Variants in SPECC1L observed in about 807,000 individuals in gnomAD.
The protein encoded by SPECC1L is cytospin-A.
SPECC1L carries 40 observed loss-of-function variants against 116.8 expected under a neutral mutation model. The ratio of observed to expected loss-of-function variants is 0.34; its 90% CI spans 0.27 to 0.45. The LOEUF is 0.45. Ranked by LOEUF, SPECC1L falls within the 20% of genes least tolerant of loss-of-function variation. SPECC1L has a pLI of 1.00. For synonymous variants in SPECC1L, 504 were observed against 500.6 expected, an observed-to-expected ratio of 1.01 and a Z score of -0.09; for missense variants, 1,110 against 1,373.6, an observed-to-expected ratio of 0.81 and a Z score of 3.03.
chr22:24,393,527 T>C (rs1303252840), intron 14 of SPECC1L, among the ~76,000 whole-genome samples: 1 of 152,212 alleles, frequency 6.6e-6, no homozygotes, highest in African/African-American at 2.4e-5. Flanking sequence ...CCAGGGTCCC[T>C]TGGACTGTGC....
chr22:24,357,062 G>A (rs1569433373), intron 11 of SPECC1L, among the ~76,000 whole-genome samples: 1 of 151,858 alleles, frequency 6.6e-6, no homozygotes, highest in Non-Finnish European at 1.5e-5. Flanking sequence ...CCCCTGGGGG[G>A]GCAAATTTGC....
chr22:24,404,298 G>A (rs1443605780), intron 14 of SPECC1L, among the ~76,000 whole-genome samples: 1 of 152,200 alleles, frequency 6.6e-6, no homozygotes, highest in Non-Finnish European at 1.5e-5. Context: ...GGACTCCGAT[G>A]ATGCCGCACT....
At position 24,335,177 on chromosome 22, in the gene SPECC1L, C is replaced by G. The variant is rs150347629; in HGVS notation, c.2560+604C>G. The stretch of plus-strand genomic sequence containing the variant: ...TGGATATCTTTGCTTTGTCTTCTCT[C>G]CATCTCTAGCGGCACAAGCTTTAGT... On this transcript the variant is annotated intron_variant, in intron 9 of 16. Transcript: ENST00000314328. Among the ~76,000 whole-genome samples, 564 of 152,338 alleles carry G rather than the reference C, an allele frequency of 3.7e-3. 3 individuals are homozygous for G. The highest frequency in any genetic ancestry group is 0.02 in the Middle Eastern group (6 of 294).
At chr22:24,373,894 T>C (rs947559534) in intron 14 of SPECC1L, among the ~76,000 whole-genome samples, 2 of 151,602 alleles carry the variant, frequency 1.3e-5, no homozygotes, top group East Asian at 1.9e-4. Flanking sequence ...AGGGCTAATA[T>C]CCAGAATCTA....
At chr22:24,317,274 ACCTC>A (rs2040601160) in intron 4 of SPECC1L, among the ~76,000 whole-genome samples, 1 of 35,118 alleles carries the variant, frequency 2.8e-5, no homozygotes, top group Non-Finnish European at 5.8e-5. Context: ...GACCCCCCCC[ACCTC>A]CCTCCCGGAC....
intron 14 of SPECC1L, among the ~76,000 whole-genome samples, chr22:24,385,050 G>A (rs1406223912): frequency 7.5e-6 from 1 of 133,960 alleles, no homozygotes; most frequent in Non-Finnish European, 1.6e-5. Context: ...GGCACAAAGC[G>A]AAACTCCGTC....
intron 9 of SPECC1L, among the ~76,000 whole-genome samples, chr22:24,338,072 A>G (rs964066765): frequency 3.3e-5 from 5 of 152,208 alleles, no homozygotes; most frequent in Admixed American, 6.5e-5. Flanking sequence ...GGGTTTTACT[A>G]CTTGAATTTC....
chr22:24,385,813 G>T (rs1433825993), intron 14 of SPECC1L, among the ~76,000 whole-genome samples: 1 of 152,160 alleles, frequency 6.6e-6, no homozygotes, highest in Admixed American at 6.6e-5. Flanking sequence ...ATTTTAACAC[G>T]CTTCTCTCAT....
At chr22:24,274,103 G>T (rs1170561948) in intron 1 of SPECC1L, among the ~76,000 whole-genome samples, 2 of 152,196 alleles carry the variant, frequency 1.3e-5, no homozygotes. Flanking sequence ...CCTAGGCAGG[G>T]AAATTCTTTC....
At chr22:24,343,505 C>A (rs1410338240) in intron 10 of SPECC1L, 2 of 444,762 alleles carry the variant, frequency 4.5e-6, no homozygotes, top group South Asian at 3.2e-5. Context: ...CTGTCGCCCA[C>A]GCTGGAATGC....
intron 7 of SPECC1L, among the ~76,000 whole-genome samples, chr22:24,329,814 T>TC (rs1341756972): frequency 6.6e-6 from 1 of 152,200 alleles, no homozygotes; most frequent in Non-Finnish European, 1.5e-5. Flanking sequence ...TTTTTTTTTT[T>TC]CCTGTTAGAT....
Position 24,321,758 on chromosome 22 carries a change from C to G in SPECC1L, c.778C>G (p.Leu260Val), listed in dbSNP as rs202182198. The change falls in exon 5 of 17, where the codon CTG becomes GTG. Residue 260 changes from leucine to valine, a missense_variant. Leu to Val is a conservative substitution (Grantham distance 32). Around this residue, in one of 4 missense-constraint regions of SPECC1L, gnomAD observed 437 missense variants for 482.6 expected, o/e 0.91. Transcript: ENST00000314328. The stretch of plus-strand genomic sequence containing the variant: ...TGCCATCCGTGAAGAACTCAACCAG[C>G]TGAAAAATGAAAACAGAATGTTAAA... ...NTAIREELNQ[L>V]KNENRMLKDR... 1.2e-6 allele frequency: 2 copies of G among 1,614,094 alleles called. No individual in the cohort carries two copies. Among genetic ancestry groups the G allele is most frequent in the African/African-American group, 2.7e-5 (2 of 74,908 alleles).
intron 16 of SPECC1L, 59 bp from the exon 17 acceptor site, chr22:24,414,475 C>T: frequency 9.2e-6 from 13 of 1,415,622 alleles, no homozygotes; most frequent in Non-Finnish European, 1.3e-5. Flanking sequence ...TGGCAGAGCC[C>T]ATTGGCACAG....
At chr22:24,387,130 A>G (rs2146717394) in intron 14 of SPECC1L, among the ~76,000 whole-genome samples, 1 of 152,326 alleles carries the variant, frequency 6.6e-6, no homozygotes, top group East Asian at 1.9e-4. Flanking sequence ...TAGTCTCCAT[A>G]AGAATCAAAA....
intron 2 of SPECC1L, among the ~76,000 whole-genome samples, chr22:24,289,807 C>T (rs1206462479): frequency 2.0e-5 from 3 of 151,790 alleles, no homozygotes; most frequent in Admixed American, 6.6e-5. Flanking sequence ...TTTCTGTCCA[C>T]GTGGGGTTAT....
chr22:24,358,949 C>T (rs1239855140), intron 11 of SPECC1L, among the ~76,000 whole-genome samples: 1 of 152,214 alleles, frequency 6.6e-6, no homozygotes, highest in Non-Finnish European at 1.5e-5. Context: ...ATCCACTTAT[C>T]TGACCCCTGG....
chr22:24,311,005 C>G (rs1411021892), intron 3 of SPECC1L, among the ~76,000 whole-genome samples: 1 of 152,158 alleles, frequency 6.6e-6, no homozygotes, highest in African/African-American at 2.4e-5. Flanking sequence ...TGACCTAGCA[C>G]CATTTTCTGG....
At chr22:24,371,706 CATTGATTGATTG>C (rs534337556) in intron 14 of SPECC1L, among the ~76,000 whole-genome samples, 1 of 152,080 alleles carries the variant, frequency 6.6e-6, no homozygotes, top group East Asian at 1.9e-4. Context: ...AGGGGATTGA[CATTGATTGATTG>C]ATTGATTGAT....
chr22:24,287,763 T>C (rs182649655), intron 2 of SPECC1L, among the ~76,000 whole-genome samples: 1 of 151,966 alleles, frequency 6.6e-6, no homozygotes, highest in South Asian at 2.1e-4. Context: ...TCTTATGATG[T>C]AAAGGAACTG....
Sources: allele counts gnomAD v4.1 joint callset (sites outside exome capture counted in the v4.1 genomes callset), GRCh38; gene constraint gnomAD v4.1.1; regional missense constraint gnomAD v4.1.1; transcripts MANE v1.5; gene names NCBI Gene and HGNC (gene_info 2026-07-23, HGNC 2026-07-21).